Variants in AFTPH observed in about 807,000 individuals in gnomAD.
The protein encoded by AFTPH is aftiphilin protein.
AFTPH carries 7 observed loss-of-function variants against 72.5 expected under a neutral mutation model. That is an observed-to-expected ratio of 0.10 (90% CI 0.05 to 0.18). The LOEUF is 0.18. Ranked by LOEUF, AFTPH falls within the 10% of genes least tolerant of loss-of-function variation. AFTPH has a pLI of 1.00. For synonymous variants in AFTPH, 337 were observed against 370.1 expected, an observed-to-expected ratio of 0.91 and a Z score of 1.03; for missense variants, 979 against 1,060.5, an observed-to-expected ratio of 0.92 and a Z score of 1.07.
At chr2:64,527,252 C>G (rs533523179) in intron 1 of AFTPH, among the ~76,000 whole-genome samples, 3 of 152,136 alleles carry the variant, frequency 2.0e-5, no homozygotes, top group African/African-American at 7.2e-5. Context: ...GCTTTTTTCT[C>G]CCTAAGGTTT....
At chr2:64,562,357 T>A (rs1671793360) in intron 2 of AFTPH, among the ~76,000 whole-genome samples, 1 of 151,034 alleles carries the variant, frequency 6.6e-6, no homozygotes, top group Non-Finnish European at 1.5e-5. Context: ...TTTTTTTTAA[T>A]CTGGTGCACA....
At chr2:64,590,572 G>A (rs967790751) in intron 8 of AFTPH, among the ~76,000 whole-genome samples, 2 of 152,074 alleles carry the variant, frequency 1.3e-5, no homozygotes, top group East Asian at 1.9e-4. Flanking sequence ...CCCATCAAAC[G>A]TCCACATAAT....
At chr2:64,564,019 A>G (rs1671899135) in intron 2 of AFTPH, among the ~76,000 whole-genome samples, 1 of 152,222 alleles carries the variant, frequency 6.6e-6, no homozygotes, top group South Asian at 2.1e-4. Flanking sequence ...TCCAAAATTT[A>G]AACTCTACAA....
At chr2:64,551,357 G>A (rs1477372346) in intron 1 of AFTPH, 86 bp from the exon 2 acceptor site, 9 of 1,073,946 alleles carry the variant, frequency 8.4e-6, no homozygotes, top group Non-Finnish European at 1.1e-5. Flanking sequence ...AATTTGCATT[G>A]TTTTAAAGTA....
intron 6 of AFTPH, among the ~76,000 whole-genome samples, chr2:64,577,205 T>A (rs2104149996): frequency 6.6e-6 from 1 of 152,344 alleles, no homozygotes; most frequent in African/African-American, 2.4e-5. Flanking sequence ...AGTGCTTTTA[T>A]CTCTGCAGTA....
intron 5 of AFTPH, among the ~76,000 whole-genome samples, chr2:64,570,004 G>A (rs1028423185): frequency 2.0e-5 from 3 of 152,004 alleles, no homozygotes; most frequent in African/African-American, 4.8e-5. Flanking sequence ...GTATCAGAAG[G>A]CCTAAAGATA....
At chr2:64,557,924 A>G (rs1476135017) in intron 2 of AFTPH, among the ~76,000 whole-genome samples, 1 of 152,200 alleles carries the variant, frequency 6.6e-6, no homozygotes, top group Non-Finnish European at 1.5e-5. Flanking sequence ...TTATTCAGAA[A>G]CTGTACAGAA....
intron 2 of AFTPH, among the ~76,000 whole-genome samples, chr2:64,566,477 A>G (rs971181073): frequency 1.2e-4 from 18 of 152,118 alleles, no homozygotes; most frequent in African/African-American, 4.1e-4. Context: ...TCAAGCATCA[A>G]CTTGTTTTTG....
At chr2:64,574,551 A>C (rs115372624) in intron 6 of AFTPH, among the ~76,000 whole-genome samples, 1 of 152,354 alleles carries the variant, frequency 6.6e-6, no homozygotes, top group East Asian at 1.9e-4. Context: ...CATACTTTAG[A>C]AAATGTGTAA....
At chr2:64,581,773 T>TG (rs921159111) in intron 7 of AFTPH, among the ~76,000 whole-genome samples, 9 of 152,222 alleles carry the variant, frequency 5.9e-5, no homozygotes, top group Non-Finnish European at 1.5e-5. Flanking sequence ...TCCAAAATGT[T>TG]GGAGTCTAGC....
intron 1 of AFTPH, among the ~76,000 whole-genome samples, chr2:64,526,649 AT>A (rs1168888500): frequency 2.6e-5 from 4 of 152,164 alleles, no homozygotes; most frequent in African/African-American, 9.7e-5. Context: ...AAAATCTGGC[AT>A]TGTATGGATT....
intron 1 of AFTPH, among the ~76,000 whole-genome samples, chr2:64,542,574 TCA>T: frequency 6.6e-6 from 1 of 152,286 alleles, no homozygotes; most frequent in Non-Finnish European, 1.5e-5. Flanking sequence ...GGTTATGATC[TCA>T]GTCCTTCAAC....
intron 1 of AFTPH, among the ~76,000 whole-genome samples, chr2:64,540,826 A>G (rs1344345458): frequency 6.6e-6 from 1 of 152,072 alleles, no homozygotes; most frequent in Non-Finnish European, 1.5e-5. Flanking sequence ...ACTAATACTG[A>G]AACAAGATAT....
At chr2:64,577,485 A>G (rs1431981630) in intron 6 of AFTPH, among the ~76,000 whole-genome samples, 1 of 152,198 alleles carries the variant, frequency 6.6e-6, no homozygotes, top group African/African-American at 2.4e-5. Context: ...CTAAGCACCC[A>G]GCTACTTGAC....
At chr2:64,591,651 G>A (rs1673831952) in intron 8 of AFTPH, among the ~76,000 whole-genome samples, 1 of 152,190 alleles carries the variant, frequency 6.6e-6, no homozygotes, top group South Asian at 2.1e-4. Context: ...GAGTATCTGT[G>A]TGTGCATGCC....
At chr2:64,551,552 TGAATTTGGG>T in exon 2 of AFTPH, 1 of 1,614,136 alleles carries the variant, frequency 6.2e-7, no homozygotes, top group Non-Finnish European at 8.5e-7. Flanking sequence ...ATGATGATGA[TGAATTTGGG>T]GAATTTGGTG....
intron 8 of AFTPH, among the ~76,000 whole-genome samples, chr2:64,586,059 G>C (rs1673483832): frequency 6.6e-6 from 1 of 152,146 alleles, no homozygotes; most frequent in South Asian, 2.1e-4. Flanking sequence ...ATGGCCTATT[G>C]AAGAGCAATT....
chr2:64,581,069 A>G, intron 7 of AFTPH, 121 bp from the exon 8 acceptor site: 1 of 607,302 alleles, frequency 1.6e-6, no homozygotes, highest in Middle Eastern at 2.6e-4. Context: ...AAAATGTGTA[A>G]TGATTACTAA....
At chr2:64,547,074 C>G (rs894206476) in intron 1 of AFTPH, among the ~76,000 whole-genome samples, 7 of 152,158 alleles carry the variant, frequency 4.6e-5, no homozygotes, top group Middle Eastern at 3.4e-3. Context: ...TACATACATA[C>G]ATACTACCAT....
Sources: allele counts gnomAD v4.1 joint callset (sites outside exome capture counted in the v4.1 genomes callset), GRCh38; gene constraint gnomAD v4.1.1; transcripts MANE v1.5; gene names NCBI Gene and HGNC (gene_info 2026-07-23, HGNC 2026-07-21).